The following KIAA0232 variants were observed in gnomAD, a reference collection of about 807,000 sequenced individuals.
The protein encoded by KIAA0232 is uncharacterized protein KIAA0232.
Under a neutral mutation model 122.0 loss-of-function variants are expected in KIAA0232, and 27 were observed. The observed-to-expected ratio is 0.22, with a 90% CI of 0.16 to 0.31. The LOEUF (loss-of-function observed/expected upper bound fraction) is 0.31, where lower values mean the gene tolerates loss of function less well. Ranked by LOEUF, KIAA0232 falls within the 10% of genes least tolerant of loss-of-function variation. KIAA0232 has a pLI of 1.00. For synonymous variants in KIAA0232, 613 were observed against 587.6 expected (o/e 1.04, Z -0.63); for missense variants, 1,551 against 1,634.2 (o/e 0.95, Z 0.88).
intron 1 of KIAA0232, among the ~76,000 whole-genome samples, chr4:6,793,868 C>T (rs1042315256): frequency 9.2e-5 from 14 of 152,174 alleles, no homozygotes; most frequent in African/African-American, 1.4e-4. Context: ...AGAGAGATTC[C>T]GAAAAACTTC....
chr4:6,843,463 A>T (rs1223787705), intron 4 of KIAA0232, among the ~76,000 whole-genome samples: 1 of 152,042 alleles, frequency 6.6e-6, no homozygotes, highest in African/African-American at 2.4e-5. Flanking sequence ...TTCTGTTCTC[A>T]TCCAACTCCT....
At position 6,871,563 on chromosome 4, in the gene KIAA0232, A is replaced by C. The variant is rs771234337; in HGVS notation, c.3802-11A>C. 1.4e-6 allele frequency: 2 copies of C among 1,478,756 alleles called. 1 individual carries two copies. Among genetic ancestry groups the C allele is most frequent in the South Asian group, 2.3e-5 (2 of 85,348 alleles). 91.6% of individuals were successfully genotyped at this position (1,478,756 alleles called of 1,614,324 possible). A position where few individuals can be genotyped will look rare whatever the true frequency, so the allele number is the denominator to read the frequency against. On this transcript the variant is annotated splice_polypyrimidine_tract_variant and intron_variant, in intron 7 of 9. Coordinates refer to ENST00000307659, the MANE Select transcript of KIAA0232 (RefSeq NM_014743.3). ...TATAAACTTTTTCTGTATTTGGTTT[A>C]ATCTAAACAGTTCCCTGTATTGAAC...
chr4:6,802,608 A>G (rs892194096), intron 1 of KIAA0232, among the ~76,000 whole-genome samples: 1 of 151,074 alleles, frequency 6.6e-6, no homozygotes, highest in African/African-American at 2.4e-5. Context: ...GAACAGAGTT[A>G]CAGTGCACAA....
intron 8 of KIAA0232, among the ~76,000 whole-genome samples, chr4:6,873,422 GTTAA>G (rs1216003220): frequency 6.6e-6 from 1 of 152,228 alleles, no homozygotes; most frequent in African/African-American, 2.4e-5. Flanking sequence ...CACAGACACA[GTTAA>G]TGGAATGAAG....
chr4:6,839,642 A>G (rs1343434028), intron 3 of KIAA0232, among the ~76,000 whole-genome samples: 1 of 152,234 alleles, frequency 6.6e-6, no homozygotes, highest in Non-Finnish European at 1.5e-5. Flanking sequence ...CTGTAAGGTC[A>G]GAAAAGAGTA....
At chr4:6,871,278 C>CA (rs1366655221) in intron 7 of KIAA0232, among the ~76,000 whole-genome samples, 1 of 151,854 alleles carries the variant, frequency 6.6e-6, no homozygotes, top group Non-Finnish European at 1.5e-5. Flanking sequence ...ACAAAAAGCA[C>CA]AAAAAATGAG....
At chr4:6,864,644 C>T (rs543047803) in intron 7 of KIAA0232, among the ~76,000 whole-genome samples, 1 of 143,742 alleles carries the variant, frequency 7.0e-6, no homozygotes, top group Admixed American at 7.5e-5. Context: ...GAGGCTGAGG[C>T]AGGAGAATCA....
chr4:6,831,237 G>C (rs1347813738), intron 3 of KIAA0232, among the ~76,000 whole-genome samples: 1 of 151,924 alleles, frequency 6.6e-6, no homozygotes, highest in Admixed American at 6.6e-5. Context: ...TGTATTTTTA[G>C]TGGAGACAGG....
intron 3 of KIAA0232, among the ~76,000 whole-genome samples, chr4:6,836,098 G>A (rs1025762248): frequency 2.6e-5 from 4 of 152,190 alleles, no homozygotes; most frequent in Non-Finnish European, 5.9e-5. Context: ...GTGTAGAAGC[G>A]TTCCTATCTC....
chr4:6,838,759 T>G (rs2109117764), intron 3 of KIAA0232, among the ~76,000 whole-genome samples: 1 of 141,746 alleles, frequency 7.1e-6, no homozygotes, highest in South Asian at 2.2e-4. Flanking sequence ...TGAGACAAAG[T>G]CCATTTCAAA....
intron 2 of KIAA0232, among the ~76,000 whole-genome samples, chr4:6,814,407 A>AT (rs1718023793): frequency 6.6e-6 from 1 of 152,004 alleles, no homozygotes. Context: ...TAGTAAAGAA[A>AT]TTGAGTATTT....
At chr4:6,816,105 C>T (rs114845853) in intron 2 of KIAA0232, among the ~76,000 whole-genome samples, 1,652 of 152,080 alleles carry the variant, frequency 0.011, 35 homozygotes, top group African/African-American at 0.037. Context: ...TACAGTGAAA[C>T]GAATATTTTA....
chr4:6,783,099 G>C (rs1443864121), intron 1 of KIAA0232, among the ~76,000 whole-genome samples: 1 of 151,776 alleles, frequency 6.6e-6, no homozygotes, highest in Non-Finnish European at 1.5e-5. Flanking sequence ...GCCGCCGGGG[G>C]CTCCGGGGCC....
At chr4:6,864,782 A>G (rs897718087) in intron 7 of KIAA0232, among the ~76,000 whole-genome samples, 7 of 151,964 alleles carry the variant, frequency 4.6e-5, no homozygotes, top group Admixed American at 1.3e-4. Context: ...GCTTAAAGCA[A>G]AAACCTAACA....
chr4:6,808,222 A>G (rs1717722968), intron 2 of KIAA0232, among the ~76,000 whole-genome samples: 1 of 151,952 alleles, frequency 6.6e-6, no homozygotes, highest in African/African-American at 2.4e-5. Flanking sequence ...TATTTCAAAT[A>G]TCTGTTTTCT....
At chr4:6,805,154 G>T (rs1035127042) in intron 2 of KIAA0232, among the ~76,000 whole-genome samples, 10 of 152,064 alleles carry the variant, frequency 6.6e-5, no homozygotes, top group African/African-American at 2.4e-4. Context: ...TGATGACACT[G>T]TTTATTTAAA....
At chr4:6,837,123 C>A (rs928650800) in intron 3 of KIAA0232, among the ~76,000 whole-genome samples, 1 of 151,266 alleles carries the variant, frequency 6.6e-6, no homozygotes, top group African/African-American at 2.4e-5. Context: ...GGGGCAGCGG[C>A]CGGGCGGGGG....
chr4:6,822,941 A>G (rs1718492435), intron 2 of KIAA0232, among the ~76,000 whole-genome samples: 1 of 84,038 alleles, frequency 1.2e-5, no homozygotes, highest in African/African-American at 4.8e-5. Flanking sequence ...CCCCCACACC[A>G]CAACAGTCCC....
intron 1 of KIAA0232, among the ~76,000 whole-genome samples, chr4:6,798,472 C>G (rs1201413635): frequency 3.9e-5 from 6 of 152,150 alleles, no homozygotes; most frequent in African/African-American, 7.2e-5. Context: ...CATATTTGAA[C>G]AACACTAGGT....
Sources: gnomAD v4.1 joint callset for allele counts (sites outside exome capture counted in the v4.1 genomes callset) on GRCh38, gnomAD v4.1.1 for gene constraint, MANE v1.5 for transcripts, NCBI Gene and HGNC (gene_info 2026-07-23, HGNC 2026-07-21) for gene names.